Variants in SH2D2A observed in about 807,000 individuals in gnomAD.
SH2D2A encodes the protein SH2 domain-containing protein 2A.
Under a neutral mutation model 43.6 loss-of-function variants are expected in SH2D2A, and 33 were observed. The ratio of observed to expected loss-of-function variants is 0.76; its 90% CI spans 0.57 to 1.01. The LOEUF is 1.01. Among genes scored for constraint, SH2D2A ranks in the 50% least tolerant of loss-of-function variants. The pLI is 0.00. For synonymous variants in SH2D2A, 212 were observed against 206.1 expected (o/e 1.03, Z -0.25); for missense variants, 491 against 503.1 (o/e 0.98, Z 0.23).
chr1:156,809,493 G>T lies in SH2D2A; in HGVS notation c.715-3C>A. 1 of 1,595,638 alleles carries T rather than the reference G, an allele frequency of 6.3e-7. No individual in the cohort carries two copies. ...TTGGGCCTGAGCAGCTGGGAGGGCTGGGAGAGAAGGTGAGGCCAGGGAGGA... is the reference window on the plus strand; with the variant it reads ...TTGGGCCTGAGCAGCTGGGAGGGCTTGGAGAGAAGGTGAGGCCAGGGAGGA... On this transcript the variant is annotated splice_region_variant and splice_polypyrimidine_tract_variant and intron_variant, in intron 6 of 8. Coordinates refer to ENST00000368199, the MANE Select transcript of SH2D2A (RefSeq NM_003975.4). The surrounding 1 kb of genome is among the most constrained non-coding windows in gnomAD (Gnocchi z 4.8).
intron 5 of SH2D2A, among the ~76,000 whole-genome samples, chr1:156,810,867 C>A (rs574051820): frequency 6.6e-6 from 1 of 152,250 alleles, no homozygotes; most frequent in South Asian, 2.1e-4. Context: ...GAGAGAGGAG[C>A]CCCATGTGGG....
chr1:156,814,050 C>T, intron 4 of SH2D2A, 34 bp from the exon 5 acceptor site: 1 of 1,491,050 alleles, frequency 6.7e-7, no homozygotes, highest in Non-Finnish European at 8.9e-7. Flanking sequence ...GACTATCTCC[C>T]GCTCCTCGGC....
Position 156,814,007 on chromosome 1 carries a change from A to G in SH2D2A, c.408T>C (p.Thr136=), listed in dbSNP as rs1653628468. ...VTFVLTYRSR[T]CCRHFLLAQL... ...GGGCCAGCAGGAAGTGGCGGCAGCA[A>G]GTCCGGCTCCTGGAGGGCGCCGTTA... is the stretch of plus-strand genomic sequence containing the variant. Residue 136 remains threonine, a synonymous_variant, in exon 5 of 9, where the codon ACT becomes ACC. Coordinates refer to ENST00000368199, the MANE Select transcript of SH2D2A (RefSeq NM_003975.4). 1 of 1,512,496 alleles carries G rather than the reference A, an allele frequency of 6.6e-7. No homozygotes were observed. The highest frequency in any genetic ancestry group is 8.8e-7 in the Non-Finnish European group (1 of 1,130,132). The allele number at this position is 1,512,496 out of a possible 1,614,324, so 93.7% of individuals were successfully genotyped here.
At chr1:156,812,495 G>A (rs930128408) in intron 5 of SH2D2A, among the ~76,000 whole-genome samples, 1 of 152,200 alleles carries the variant, frequency 6.6e-6, no homozygotes, top group African/African-American at 2.4e-5. Context: ...TGTGCCTGCT[G>A]CCGAGAATGC....
rs1558069871 is a variant in SH2D2A at position 156,816,066 on chromosome 1, G to A, written c.63C>T (p.Phe21=). Residue 21 remains phenylalanine, a synonymous_variant, in exon 2 of 9, where the codon TTC becomes TTT. Transcript: ENST00000368199. The part of the protein sequence containing the change: ...QGSHEAPIPT[F]STFQITDMTR... ...TCATGTCTGTGATCTGGAAGGTGCT[G>A]AAGGTTGGGATGGGGGCTTCGTGAC... is the stretch of plus-strand genomic sequence containing the variant. 1.9e-6 allele frequency: 3 copies of A among 1,614,066 alleles called. No homozygotes were observed. Among genetic ancestry groups the A allele is most frequent in the East Asian group, 4.5e-5 (2 of 44,884 alleles).
intron 3 of SH2D2A, 126 bp from the exon 4 acceptor site, chr1:156,814,420 A>T: frequency 1.4e-6 from 2 of 1,481,208 alleles, no homozygotes; most frequent in South Asian, 2.7e-5. Flanking sequence ...GAGAAAGGCT[A>T]GGGCGGAGAT....
In SH2D2A at chr1:156,807,217, G is replaced by C. The variant is rs2102785908; in HGVS notation, c.1131C>G (p.Asp377Glu). 1.2e-6 allele frequency: 2 copies of C among 1,608,542 alleles called. No individual in the cohort carries two copies. Among genetic ancestry groups the C allele is most frequent in the Non-Finnish European group, 1.7e-6 (2 of 1,178,186 alleles). The part of the protein sequence containing the change: ...PHNLSRQVLQ[D>E]RGQAWLPLGP... The stretch of plus-strand genomic sequence containing the variant: ...CAAGGGGAAGCCATGCCTGTCCTCT[G>C]TCCTGAAGCACCTGTCTAGAAAGAT... The change falls in exon 8 of 9, where the codon GAC becomes GAG. Residue 377 changes from aspartate (D) to glutamate (E), a missense_variant. Coordinates refer to ENST00000368199, the MANE Select transcript of SH2D2A (RefSeq NM_003975.4). The surrounding 1 kb of genome is among the most constrained non-coding windows in gnomAD (Gnocchi z 5.1).
intron 5 of SH2D2A, among the ~76,000 whole-genome samples, chr1:156,810,913 C>T (rs751274955): frequency 1.3e-5 from 2 of 152,164 alleles, no homozygotes; most frequent in Non-Finnish European, 1.5e-5. Flanking sequence ...CTTTTAGCTC[C>T]GTGTTAGCCC....
intron 3 of SH2D2A, 87 bp from the exon 4 acceptor site, chr1:156,814,381 A>G (rs2102814320): frequency 1.3e-6 from 2 of 1,538,222 alleles, no homozygotes; most frequent in East Asian, 2.5e-5. Flanking sequence ...AGGAACCCCT[A>G]CCCCCAAGCA....
At chr1:156,808,860 C>T (rs146609765) in intron 7 of SH2D2A, among the ~76,000 whole-genome samples, 7 of 152,272 alleles carry the variant, frequency 4.6e-5, no homozygotes, top group South Asian at 2.1e-4. Flanking sequence ...GCCCCAGGTG[C>T]GTCTGAAGAG....
intron 2 of SH2D2A, chr1:156,815,601 C>A: frequency 3.1e-6 from 2 of 642,818 alleles, no homozygotes; most frequent in Non-Finnish European, 5.7e-6. Context: ...TGAGGGAGGG[C>A]TTACTTCATA....
Position 156,814,196 on chromosome 1 carries a change from G to A in SH2D2A, c.398+9C>T, listed in dbSNP as rs1653659178. 6.2e-7 allele frequency: 1 copy of A among 1,612,744 alleles called. No individual in the cohort carries two copies. The highest frequency in any genetic ancestry group is 1.3e-5 in the African/African-American group (1 of 75,012). ...CTTGTGTCGCCCGGCGCGGGGCCTC[G>A]CCCCTCACCTGTAAGTCAGCACGAA... On this transcript the variant is annotated intron_variant, in intron 4 of 8. Coordinates refer to ENST00000368199, the MANE Select transcript of SH2D2A (RefSeq NM_003975.4).
At chr1:156,808,926 G>A (rs1653177481) in intron 7 of SH2D2A, among the ~76,000 whole-genome samples, 1 of 152,198 alleles carries the variant, frequency 6.6e-6, no homozygotes, top group South Asian at 2.1e-4. Context: ...GGAGGTGGAG[G>A]GGCACCCTGC....
In SH2D2A at chr1:156,813,885, G is replaced by C. The variant is rs747576878; in HGVS notation, c.530C>G (p.Pro177Arg). ...GGGCTCGGTGAGCGTCTCCCCGTAG[G>C]GGCTGAGCGGGTGCGCGGTGTAGTG... Reference protein sequence around the residue: ...LLHYTAHPLSPYGETLTEPLA... With the variant: ...LLHYTAHPLSRYGETLTEPLA... The change falls in exon 5 of 9, where the codon CCC (proline) becomes CGC (arginine). Residue 177 changes from proline to arginine, a missense_variant. Transcript: ENST00000368199. The C allele has an allele frequency of 5.8e-6, 9 of 1,538,644 alleles. No individual in the cohort carries two copies. In the South Asian group the frequency reaches 1.1e-4, roughly 18 times the overall value.
rs970286619 is a variant in SH2D2A at position 156,815,186 on chromosome 1, T to G, written c.159A>C (p.Thr53=). 26 of 1,590,192 alleles carry G rather than the reference T, an allele frequency of 1.6e-5. No individual in the cohort carries two copies. The highest frequency in any genetic ancestry group is 2.6e-6 in the Non-Finnish European group (3 of 1,167,700). The change falls in exon 3 of 9, where the codon ACA becomes ACC. Residue 53 remains threonine (T), a synonymous_variant. Transcript: ENST00000368199. ...CCTCCTCTGCCCTCTCAGCATTCCC[T>G]GTGTTGGAGGCAGCCTCCGGGGCCT... The part of the protein sequence containing the change: ...SPQAPEAASN[T]GNAERAEEVP...
At chr1:156,813,763 G>C in intron 5 of SH2D2A, 85 bp downstream of exon 5, 2 of 1,279,500 alleles carry the variant, frequency 1.6e-6, no homozygotes, top group Non-Finnish European at 2.0e-6. Flanking sequence ...AAAGTGCCTG[G>C]TGCCGCGTCC....
chr1:156,814,431 G>C (rs1287115544), intron 3 of SH2D2A, 137 bp from the exon 4 acceptor site: 1 of 1,448,800 alleles, frequency 6.9e-7, no homozygotes, highest in African/African-American at 1.4e-5. Flanking sequence ...GGGCGGAGAT[G>C]GGGAGAGAGA....
At chr1:156,815,439 G>A (rs1005065549) in intron 2 of SH2D2A, 21 of 574,606 alleles carry the variant, frequency 3.7e-5, no homozygotes, top group Non-Finnish European at 6.2e-5. Context: ...TGCCCTCTGG[G>A]TCCTGAGGGC....
In SH2D2A at chr1:156,814,306, G is replaced by C; in HGVS notation, c.309-12C>G. ...GCCTCTCTGCCTCCCTGTGGGTGAC[G>C]GAGAGAGGGGGCCGAACCCTGCTCT... On this transcript the variant is annotated splice_polypyrimidine_tract_variant and intron_variant, in intron 3 of 8. Transcript: ENST00000368199. 6.2e-7 allele frequency: 1 copy of C among 1,611,704 alleles called. No homozygotes were observed. Among genetic ancestry groups the C allele is most frequent in the Non-Finnish European group, 8.5e-7 (1 of 1,179,100 alleles).
Sources: gnomAD v4.1 joint callset for allele counts (sites outside exome capture counted in the v4.1 genomes callset) on GRCh38, gnomAD v4.1.1 for gene constraint, Gnocchi (gnomAD v3.1) non-coding constraint, MANE v1.5 for transcripts, NCBI Gene and HGNC (gene_info 2026-07-23, HGNC 2026-07-21) for gene names.